NTN1: variants seen among roughly 807,000 people sequenced by gnomAD.
NTN1 encodes netrin-1.
NTN1 carries 11 observed loss-of-function variants against 54.2 expected under a neutral mutation model. The observed-to-expected ratio is 0.20, with a 90% CI of 0.13 to 0.34. The LOEUF is 0.34. Among genes scored for constraint, NTN1 ranks in the 10% least tolerant of loss-of-function variants. The pLI is 1.00. For missense variants in NTN1, 740 were observed against 893.1 expected (o/e 0.83, Z 2.18); for synonymous variants, 371 against 382.0 (o/e 0.97, Z 0.33).
chr17:9,084,076 G>T, intron 2 of NTN1, among the ~76,000 whole-genome samples: 2 of 152,250 alleles, frequency 1.3e-5, no homozygotes, highest in South Asian at 4.1e-4. Context: ...GAAAGCTTCC[G>T]AAATATATTT....
intron 3 of NTN1, among the ~76,000 whole-genome samples, chr17:9,178,624 G>GT (rs993595270): frequency 2.6e-5 from 4 of 152,320 alleles, no homozygotes; most frequent in African/African-American, 9.6e-5. Context: ...GCATTCTTGG[G>GT]TTTTTTGGTC....
At chr17:9,100,712 C>T (rs1390508385) in intron 2 of NTN1, among the ~76,000 whole-genome samples, 1 of 152,134 alleles carries the variant, frequency 6.6e-6, no homozygotes, top group Non-Finnish European at 1.5e-5. Context: ...CCTTTGTCTA[C>T]CTTTTAATGC....
At chr17:9,168,492 A>G (rs1179039198) in intron 3 of NTN1, among the ~76,000 whole-genome samples, 1 of 151,844 alleles carries the variant, frequency 6.6e-6, no homozygotes, top group Non-Finnish European at 1.5e-5. Flanking sequence ...AGATTGCGCC[A>G]TTGCACTCCA....
chr17:9,149,315 G>A (rs1239733499), intron 2 of NTN1, among the ~76,000 whole-genome samples: 2 of 152,010 alleles, frequency 1.3e-5, no homozygotes, highest in Non-Finnish European at 2.9e-5. Context: ...AGACATCTGG[G>A]CAGGGCGGGC....
At chr17:9,052,849 C>T (rs921992536) in intron 2 of NTN1, among the ~76,000 whole-genome samples, 1 of 152,202 alleles carries the variant, frequency 6.6e-6, no homozygotes, top group Admixed American at 6.5e-5. Flanking sequence ...CTACCTAATC[C>T]ATGACTGACA....
chr17:9,219,478 G>A lies in NTN1; in HGVS notation c.1412-1690G>A, dbSNP rs1905283138. On this transcript the variant is annotated intron_variant, in intron 5 of 6. Transcript: ENST00000173229. The surrounding 1 kb of genome is among the most constrained non-coding windows in gnomAD (Gnocchi z 4.5). ...TTTCCTGAGACTGGTTCCTAACTGG[G>A]GGCCCCAAGAGTCTGGCACAGGAAG... is the stretch of plus-strand genomic sequence containing the variant. Among the ~76,000 whole-genome samples, 1 of 152,182 alleles carries A rather than the reference G, an allele frequency of 6.6e-6. No individual in the cohort carries two copies. Among genetic ancestry groups the A allele is most frequent in the Admixed American group, 6.5e-5 (1 of 15,282 alleles).
At chr17:9,082,631 C>T (rs73973300) in intron 2 of NTN1, among the ~76,000 whole-genome samples, 254 of 151,218 alleles carry the variant, frequency 1.7e-3, no homozygotes, top group African/African-American at 5.8e-3. Context: ...GACGCCGGGC[C>T]GGGGGCTTCA....
At chr17:9,145,988 A>G (rs976243302) in intron 2 of NTN1, among the ~76,000 whole-genome samples, 2 of 151,916 alleles carry the variant, frequency 1.3e-5, no homozygotes, top group Middle Eastern at 3.2e-3. Context: ...TTTTCCATCC[A>G]AGCCTCTGCG....
chr17:9,127,269 T>C (rs2092250663), intron 2 of NTN1, among the ~76,000 whole-genome samples: 1 of 151,906 alleles, frequency 6.6e-6, no homozygotes, highest in Admixed American at 6.6e-5. Flanking sequence ...GACGGGGGCT[T>C]GGCTGGAGGA....
rs183933684 is a variant in NTN1, at chr17:9,052,922, C to T, written c.1018+29531C>T. Among the ~76,000 whole-genome samples the T allele has an allele frequency of 2.2e-3, 340 of 152,330 alleles. 1 individual carries two copies. The highest frequency in any genetic ancestry group is 6.8e-3 in the Middle Eastern group (2 of 294). On this transcript the variant is annotated intron_variant, in intron 2 of 6. Coordinates refer to ENST00000173229, the MANE Select transcript of NTN1 (RefSeq NM_004822.3). ...TCTCTGTCCCTGTGGCAGCTCTGGC[C>T]TCTCAATAGCTGCTTCTGAAATAGC...
chr17:9,104,862 C>G (rs1445827401), intron 2 of NTN1, among the ~76,000 whole-genome samples: 1 of 152,218 alleles, frequency 6.6e-6, no homozygotes, highest in Admixed American at 6.5e-5. Flanking sequence ...ACAGTCCTGA[C>G]CTGACAGCCA....
At chr17:9,111,862 G>A (rs1203901198) in intron 2 of NTN1, among the ~76,000 whole-genome samples, 1 of 152,144 alleles carries the variant, frequency 6.6e-6, no homozygotes, top group Non-Finnish European at 1.5e-5. Context: ...AGGGGGAGGA[G>A]GAAGAAGAGG....
At chr17:9,121,337 T>A (rs2092231139) in intron 2 of NTN1, among the ~76,000 whole-genome samples, 1 of 151,936 alleles carries the variant, frequency 6.6e-6, no homozygotes, top group African/African-American at 2.4e-5. Context: ...TGTGCGGGGG[T>A]AGCTGATTTT....
intron 2 of NTN1, among the ~76,000 whole-genome samples, chr17:9,075,617 G>A (rs1281857553): frequency 6.6e-6 from 1 of 152,230 alleles, no homozygotes; most frequent in Non-Finnish European, 1.5e-5. Context: ...AAAGGGGACG[G>A]CCTGTCAGCC....
In NTN1 at chr17:9,240,622, C is replaced by T. The variant is rs1305622618; in HGVS notation, c.*654C>T. On this transcript the variant is annotated 3_prime_UTR_variant, in exon 7 of 7. Transcript: ENST00000173229. ...GTCCAGCCAGCATGCCCCAGGCGGC[C>T]TCTGTCTCCACTGCTACCTGCTGAG... The T allele has an allele frequency of 6.5e-6, 1 of 152,674 alleles. No individual in the cohort carries two copies. Among genetic ancestry groups the T allele is most frequent in the Non-Finnish European group, 1.5e-5 (1 of 68,388 alleles). 9.5% of individuals were successfully genotyped at this position (152,674 alleles called of 1,614,324 possible). A position where few individuals can be genotyped will look rare whatever the true frequency, so the allele number is the denominator to read the frequency against.
At chr17:9,190,829 G>A (rs1291705633) in intron 5 of NTN1, among the ~76,000 whole-genome samples, 2 of 152,034 alleles carry the variant, frequency 1.3e-5, no homozygotes, top group African/African-American at 4.8e-5. Context: ...TCCAGCCTGG[G>A]CAACAGAGCA....
intron 6 of NTN1, among the ~76,000 whole-genome samples, chr17:9,222,858 G>T (rs1905406567): frequency 6.6e-6 from 1 of 152,200 alleles, no homozygotes; most frequent in Admixed American, 6.5e-5. Flanking sequence ...GGAATCTGGA[G>T]AACTTCTAAA....
intron 2 of NTN1, among the ~76,000 whole-genome samples, chr17:9,058,480 C>T (rs2091985915): frequency 1.3e-5 from 2 of 151,074 alleles, no homozygotes; most frequent in Admixed American, 1.3e-4. Flanking sequence ...CCTAAGTGGC[C>T]CCACATGGCC....
At chr17:9,143,482 C>T (rs111311780) in intron 2 of NTN1, among the ~76,000 whole-genome samples, 111,770 of 151,790 alleles carry the variant, frequency 0.74, 42,883 homozygotes, top group East Asian at 1. Context: ...TTGCTGTGCC[C>T]TTTTGGTTTT....
Sources: allele counts gnomAD v4.1 joint callset (sites outside exome capture counted in the v4.1 genomes callset), GRCh38; gene constraint gnomAD v4.1.1; non-coding constraint Gnocchi (gnomAD v3.1); transcripts MANE v1.5; gene names NCBI Gene and HGNC (gene_info 2026-07-23, HGNC 2026-07-21).